The following TECRL variants were observed in gnomAD, a reference collection of about 807,000 sequenced individuals.
TECRL encodes the protein trans-2,3-enoyl-CoA reductase-like.
A neutral mutation model predicts 52.8 loss-of-function variants in TECRL; 63 were observed. That is an observed-to-expected ratio of 1.19 (90% CI 0.97 to 1.47). The LOEUF is 1.47. TECRL is among the 40% of genes most tolerant of loss of function. The probability of loss-of-function intolerance (pLI) is 0.00; values close to 1 mark genes in which losing one functional copy is unlikely to be tolerated. For synonymous variants in TECRL, 164 were observed against 141.9 expected (o/e 1.16, Z -1.10); for missense variants, 482 against 429.6 (o/e 1.12, Z -1.08).
intron 8 of TECRL, among the ~76,000 whole-genome samples, chr4:64,297,038 T>C (rs1723725573): frequency 6.6e-6 from 1 of 151,408 alleles, no homozygotes; most frequent in Non-Finnish European, 1.5e-5. Flanking sequence ...ATAATAGAGA[T>C]AGAAAAAACC....
chr4:64,376,653 A>G (rs2109686435), intron 1 of TECRL, among the ~76,000 whole-genome samples: 1 of 152,022 alleles, frequency 6.6e-6, no homozygotes, highest in South Asian at 2.1e-4. Flanking sequence ...TATTCCCCAG[A>G]GTAACAAATA....
At chr4:64,295,954 T>C (rs1723657415) in intron 8 of TECRL, among the ~76,000 whole-genome samples, 1 of 151,988 alleles carries the variant, frequency 6.6e-6, no homozygotes, top group African/African-American at 2.4e-5. Flanking sequence ...TGTATGTTAT[T>C]CTTTATATCA....
rs537862373 is a variant in TECRL at position 64,307,355 on chromosome 4, G to A, written c.658-2117C>T. On this transcript the variant is annotated intron_variant, in intron 6 of 11. Transcript: ENST00000381210. ...AGGTGGTCAACACTGGAGAGCTGGG[G>A]TGCAGCATAGGTAAGTGTGACTATT... Among the ~76,000 whole-genome samples, 3 of 152,272 alleles carry A rather than the reference G, an allele frequency of 2.0e-5. No individual in the cohort carries two copies. In the East Asian group the frequency reaches 5.8e-4, roughly 30 times the overall value.
intron 2 of TECRL, among the ~76,000 whole-genome samples, chr4:64,374,582 C>A (rs916090183): frequency 4.0e-5 from 6 of 151,742 alleles, no homozygotes; most frequent in Admixed American, 6.6e-5. Context: ...CCACCACAGG[C>A]CCCGGTGTGT....
At chr4:64,337,456 G>A (rs1191657401) in intron 2 of TECRL, among the ~76,000 whole-genome samples, 1 of 152,082 alleles carries the variant, frequency 6.6e-6, no homozygotes. Flanking sequence ...GAAATAAAGG[G>A]TATTCAATTA....
At chr4:64,308,901 A>T (rs1260131208) in intron 6 of TECRL, among the ~76,000 whole-genome samples, 2 of 152,250 alleles carry the variant, frequency 1.3e-5, no homozygotes, top group Admixed American at 1.3e-4. Context: ...TAAATGAATT[A>T]CTAAAAATAA....
chr4:64,369,164 T>A (rs1056818167), intron 2 of TECRL, among the ~76,000 whole-genome samples: 2 of 152,192 alleles, frequency 1.3e-5, no homozygotes, highest in Non-Finnish European at 2.9e-5. Context: ...TCAGAAATGT[T>A]TATGACACAG....
intron 2 of TECRL, among the ~76,000 whole-genome samples, chr4:64,357,460 T>C (rs1031732956): frequency 5.3e-5 from 8 of 151,518 alleles, no homozygotes; most frequent in Non-Finnish European, 1.2e-4. Flanking sequence ...TGTTACAAAA[T>C]AAATGATCGT....
intron 6 of TECRL, 60 bp from the exon 7 acceptor site, chr4:64,305,298 G>T: frequency 6.8e-7 from 1 of 1,463,020 alleles, no homozygotes; most frequent in South Asian, 1.2e-5. Context: ...TATTTCAATT[G>T]TGACATACAT....
At chr4:64,297,349 A>T (rs1723745974) in intron 8 of TECRL, among the ~76,000 whole-genome samples, 1 of 151,346 alleles carries the variant, frequency 6.6e-6, no homozygotes, top group African/African-American at 2.4e-5. Context: ...GAACAAAATC[A>T]ATTTAAATGA....
At chr4:64,298,616 A>G (rs1478044949) in intron 8 of TECRL, among the ~76,000 whole-genome samples, 6 of 151,220 alleles carry the variant, frequency 4.0e-5, no homozygotes, top group Admixed American at 2.0e-4. Flanking sequence ...ACATAGCCAT[A>G]TTATATTTGA....
intron 2 of TECRL, among the ~76,000 whole-genome samples, chr4:64,359,555 C>G (rs1403832435): frequency 6.6e-6 from 1 of 151,876 alleles, no homozygotes; most frequent in Non-Finnish European, 1.5e-5. Context: ...GAAAACATCA[C>G]CATGTCATGA....
At chr4:64,350,647 A>T (rs1408282043) in intron 2 of TECRL, among the ~76,000 whole-genome samples, 1 of 152,118 alleles carries the variant, frequency 6.6e-6, no homozygotes, top group Admixed American at 6.6e-5. Context: ...TATCCAATTA[A>T]TTGAAAGCCT....
At chr4:64,343,857 A>G (rs983309990) in intron 2 of TECRL, among the ~76,000 whole-genome samples, 1 of 152,110 alleles carries the variant, frequency 6.6e-6, no homozygotes, top group African/African-American at 2.4e-5. Flanking sequence ...AGAAAAAAAT[A>G]AAGTATGAAC....
At chr4:64,390,404 A>G (rs1723472663) in intron 1 of TECRL, among the ~76,000 whole-genome samples, 1 of 151,918 alleles carries the variant, frequency 6.6e-6, no homozygotes, top group South Asian at 2.1e-4. Flanking sequence ...GAAATGTAAC[A>G]GGAAGTTACA....
At chr4:64,357,721 T>A (rs1720870503) in intron 2 of TECRL, among the ~76,000 whole-genome samples, 1 of 151,492 alleles carries the variant, frequency 6.6e-6, no homozygotes, top group South Asian at 2.1e-4. Flanking sequence ...GCACAAATTC[T>A]ATTTTAAAAA....
intron 5 of TECRL, among the ~76,000 whole-genome samples, chr4:64,310,762 G>A (rs901862261): frequency 7.2e-5 from 11 of 152,092 alleles, no homozygotes; most frequent in African/African-American, 2.7e-4. Flanking sequence ...GGATCTTGCT[G>A]TGTTGTCCAG....
At chr4:64,325,648 A>G (rs565545093) in intron 3 of TECRL, among the ~76,000 whole-genome samples, 1 of 152,312 alleles carries the variant, frequency 6.6e-6, no homozygotes, top group African/African-American at 2.4e-5. Context: ...TAAGACAATT[A>G]TGTATAAGAA....
At chr4:64,383,888 A>G (rs1327419485) in intron 1 of TECRL, among the ~76,000 whole-genome samples, 2 of 151,790 alleles carry the variant, frequency 1.3e-5, no homozygotes, top group African/African-American at 2.4e-5. Flanking sequence ...TTTCATGGCA[A>G]AAATTTTTTC....
Sources: gnomAD v4.1 joint callset for allele counts (sites outside exome capture counted in the v4.1 genomes callset) on GRCh38, gnomAD v4.1.1 for gene constraint, MANE v1.5 for transcripts, NCBI Gene and HGNC (gene_info 2026-07-23, HGNC 2026-07-21) for gene names.